Variants in OPCML observed in about 807,000 individuals in gnomAD.
The protein encoded by OPCML is opioid-binding protein/cell adhesion molecule.
Under a neutral mutation model 37.8 loss-of-function variants are expected in OPCML, and 13 were observed. The ratio of observed to expected loss-of-function variants is 0.34; its 90% CI spans 0.22 to 0.55. The LOEUF (loss-of-function observed/expected upper bound fraction) is 0.55. Among genes scored for constraint, OPCML ranks in the 20% least tolerant of loss-of-function variants. The pLI is 0.91. For missense variants in OPCML, 341 were observed against 435.6 expected (o/e 0.78, Z 1.93); for synonymous variants, 176 against 168.8 (o/e 1.04, Z -0.33).
At position 133,205,738 on chromosome 11, in the gene OPCML, T is replaced by A. The variant is rs575208868; in HGVS notation, c.62-262728A>T. Among the ~76,000 whole-genome samples, 61 of 152,220 alleles carry A rather than the reference T, an allele frequency of 4.0e-4. No individual in the cohort carries two copies. Among genetic ancestry groups the A allele is most frequent in the Non-Finnish European group, 7.3e-4 (50 of 68,036 alleles). ...TTTTCCTTGTCTTTAAGAATTATCC[T>A]GGATGAGTAAGAATCCCAAGAAAAT... On this transcript the variant is annotated intron_variant, in intron 1 of 7. Transcript: ENST00000524381. This position sits in a 1 kb window ranked among gnomAD's most constrained non-coding sequence, Gnocchi z 4.8.
chr11:133,183,468 C>T (rs2136289172), intron 1 of OPCML, among the ~76,000 whole-genome samples: 1 of 152,292 alleles, frequency 6.6e-6, no homozygotes. Flanking sequence ...TAAGACTTTG[C>T]TAGTATTACT....
rs147972678 is a variant in OPCML at position 133,046,572 on chromosome 11, G to A, written c.62-103562C>T. ...GCATCATATAAAAAGGAAGCTGGGA[G>A]AACACAACACAACGCCAGGCATTTA... is the stretch of plus-strand genomic sequence containing the variant. On this transcript the variant is annotated intron_variant, in intron 1 of 7. Coordinates refer to ENST00000524381, the MANE Select transcript of OPCML (RefSeq NM_001012393.5). Among the ~76,000 whole-genome samples the A allele has an allele frequency of 9.4e-3, 1,425 of 152,214 alleles. 10 individuals are homozygous for A. Among genetic ancestry groups the A allele is most frequent in the Non-Finnish European group, 0.013 (869 of 68,018 alleles).
chr11:133,501,081 T>G (rs1364007853), intron 1 of OPCML, among the ~76,000 whole-genome samples: 1 of 152,134 alleles, frequency 6.6e-6, no homozygotes, highest in Non-Finnish European at 1.5e-5. Flanking sequence ...CAGAGAATGC[T>G]GGGGAGCTCC....
chr11:133,369,954 G>A (rs946586021), intron 1 of OPCML, among the ~76,000 whole-genome samples: 1 of 152,194 alleles, frequency 6.6e-6, no homozygotes, highest in African/African-American at 2.4e-5. Flanking sequence ...TGGAATTGAA[G>A]TCTGAATACA....
chr11:132,669,601 T>G (rs998958460), intron 2 of OPCML, among the ~76,000 whole-genome samples: 1 of 152,200 alleles, frequency 6.6e-6, no homozygotes, highest in Non-Finnish European at 1.5e-5. Flanking sequence ...TCTCTTCTTT[T>G]AGAGTCACAG....
At chr11:133,245,821 C>T (rs370499542) in intron 1 of OPCML, among the ~76,000 whole-genome samples, 6 of 152,252 alleles carry the variant, frequency 3.9e-5, no homozygotes, top group African/African-American at 1.4e-4. Context: ...TTTGCAGGGA[C>T]ATGGATAAAG....
chr11:133,016,919 C>A (rs1215429457), intron 1 of OPCML, among the ~76,000 whole-genome samples: 1 of 152,162 alleles, frequency 6.6e-6, no homozygotes. Context: ...CTAGGCCCAA[C>A]TTTAGGTCTA....
At chr11:133,308,453 G>A (rs1196572200) in intron 1 of OPCML, among the ~76,000 whole-genome samples, 1 of 152,064 alleles carries the variant, frequency 6.6e-6, no homozygotes, top group Non-Finnish European at 1.5e-5. Flanking sequence ...AAAAGGAGAG[G>A]TGACTAGAAT....
At chr11:133,309,155 C>T (rs1283673945) in intron 1 of OPCML, among the ~76,000 whole-genome samples, 1 of 152,168 alleles carries the variant, frequency 6.6e-6, no homozygotes, top group Non-Finnish European at 1.5e-5. Context: ...AAACAAGATA[C>T]ATTTCTCTCT....
At chr11:133,324,882 T>C (rs1425250377) in intron 1 of OPCML, among the ~76,000 whole-genome samples, 1 of 152,208 alleles carries the variant, frequency 6.6e-6, no homozygotes, top group Non-Finnish European at 1.5e-5. Flanking sequence ...ATTATAGCTA[T>C]ACAGAATAGT....
chr11:132,521,705 C>T (rs1003858627), intron 4 of OPCML, among the ~76,000 whole-genome samples: 5 of 152,040 alleles, frequency 3.3e-5, no homozygotes, highest in Non-Finnish European at 7.4e-5. Context: ...AGCAAACCAC[C>T]ATGGCACAAG....
At chr11:132,917,369 G>A (rs1944641936) in intron 2 of OPCML, among the ~76,000 whole-genome samples, 1 of 152,146 alleles carries the variant, frequency 6.6e-6, no homozygotes, top group Non-Finnish European at 1.5e-5. Flanking sequence ...GATTAAAGTT[G>A]AAAGCTGGGC....
intron 1 of OPCML, among the ~76,000 whole-genome samples, chr11:133,292,356 CT>C (rs1400233572): frequency 6.6e-6 from 1 of 152,146 alleles, no homozygotes; most frequent in Non-Finnish European, 1.5e-5. Context: ...CCCAGAAAAT[CT>C]TCTAGGGGTT....
chr11:133,522,747 T>C (rs1189135215), intron 1 of OPCML, among the ~76,000 whole-genome samples: 1 of 152,204 alleles, frequency 6.6e-6, no homozygotes, highest in East Asian at 1.9e-4. Context: ...ACTATGTGAC[T>C]TCAGGTAAGA....
At chr11:132,633,114 G>A (rs117752141) in intron 3 of OPCML, among the ~76,000 whole-genome samples, 207 of 152,206 alleles carry the variant, frequency 1.4e-3, no homozygotes, top group Non-Finnish European at 2.6e-3. Context: ...TAGGCTAATC[G>A]AAAATCTGCA....
chr11:132,657,402 G>T, intron 2 of OPCML, 83 bp from the exon 3 acceptor site: 1 of 1,502,098 alleles, frequency 6.7e-7, no homozygotes, highest in Non-Finnish European at 8.9e-7. Context: ...TAAATAAGAC[G>T]TTGCATTTTG....
At chr11:133,144,262 C>A (rs182155133) in intron 1 of OPCML, among the ~76,000 whole-genome samples, 48 of 152,340 alleles carry the variant, frequency 3.2e-4, no homozygotes, top group African/African-American at 8.9e-4. Flanking sequence ...CAGCCCCATG[C>A]GACCATGGCA....
chr11:132,660,378 C>A (rs918297574), intron 2 of OPCML, among the ~76,000 whole-genome samples: 4 of 152,134 alleles, frequency 2.6e-5, no homozygotes, highest in African/African-American at 7.2e-5. Flanking sequence ...TCGCAGCTGA[C>A]AAATCAATTA....
intron 1 of OPCML, among the ~76,000 whole-genome samples, chr11:133,042,831 A>T (rs1248989018): frequency 2.0e-5 from 3 of 152,250 alleles, no homozygotes; most frequent in Admixed American, 6.5e-5. Context: ...TATTTCTGTC[A>T]TGGGCAAAAT....
Sources: gnomAD v4.1 joint callset for allele counts (sites outside exome capture counted in the v4.1 genomes callset) on GRCh38, gnomAD v4.1.1 for gene constraint, Gnocchi (gnomAD v3.1) non-coding constraint, MANE v1.5 for transcripts, NCBI Gene and HGNC (gene_info 2026-07-23, HGNC 2026-07-21) for gene names.